TBC1D2B: variants seen among roughly 807,000 people sequenced by gnomAD.
TBC1D2B encodes TBC1 domain family, member 2B.
TBC1D2B carries 64 observed loss-of-function variants against 100.8 expected under a neutral mutation model. The observed-to-expected ratio is 0.64, with a 90% confidence interval of 0.52 to 0.78. TBC1D2B has a LOEUF of 0.78. Ranked by LOEUF, TBC1D2B falls within the 30% of genes least tolerant of loss-of-function variation. The probability of loss-of-function intolerance (pLI) is 0.00; values close to 1 mark genes in which losing one functional copy is unlikely to be tolerated. For synonymous variants in TBC1D2B, 480 were observed against 479.7 expected, an observed-to-expected ratio of 1.00 and a Z score of -0.01; for missense variants, 1,052 against 1,218.4, an observed-to-expected ratio of 0.86 and a Z score of 2.03.
chr15:78,006,690 G>A (rs1398757756), intron 10 of TBC1D2B, among the ~76,000 whole-genome samples: 1 of 152,150 alleles, frequency 6.6e-6, no homozygotes, highest in Admixed American at 6.5e-5. Context: ...TAGTGTCTTC[G>A]GCTCCCAGTT....
intron 8 of TBC1D2B, among the ~76,000 whole-genome samples, chr15:78,015,068 G>C (rs2072334707): frequency 1.3e-5 from 2 of 152,140 alleles, no homozygotes; most frequent in Admixed American, 1.3e-4. Flanking sequence ...GGGCGTGGTG[G>C]TGGGCGCCTG....
At chr15:78,013,950 G>C (rs1228406489) in intron 8 of TBC1D2B, among the ~76,000 whole-genome samples, 2 of 152,224 alleles carry the variant, frequency 1.3e-5, no homozygotes, top group African/African-American at 4.8e-5. Context: ...GAGTCAGTCA[G>C]AGAAATGTCA....
intron 3 of TBC1D2B, 138 bp from the exon 4 acceptor site, chr15:78,030,308 C>T (rs1022099742): frequency 9.2e-5 from 54 of 584,022 alleles, no homozygotes; most frequent in East Asian, 1.6e-4. Context: ...TGGGGATTCC[C>T]TTTTTTTTTT....
At position 78,009,118 on chromosome 15, in the gene TBC1D2B, C is replaced by T. The variant is rs200398731; in HGVS notation, c.2271-4G>A. The T allele has an allele frequency of 3.3e-5, 52 of 1,585,044 alleles. No homozygotes were observed. In the East Asian group the frequency reaches 6.8e-4, roughly 21 times the overall value. On this transcript the variant is annotated splice_polypyrimidine_tract_variant and splice_region_variant and intron_variant, in intron 9 of 12. Coordinates refer to ENST00000300584, the MANE Select transcript of TBC1D2B (RefSeq NM_144572.2). ...CAGGAGGGCCACTGCCACCAACCTA[C>T]AAGCAAAGGGAGGACAAGATGAGAG...
At chr15:78,068,383 C>CCACACACACACACACACACA (rs35403620) in intron 1 of TBC1D2B, among the ~76,000 whole-genome samples, 5 of 143,108 alleles carry the variant, frequency 3.5e-5, no homozygotes, top group Admixed American at 7.0e-5. Context: ...CACACCACAC[C>CCACACACACACACACACACA]CACACACACA....
intron 6 of TBC1D2B, among the ~76,000 whole-genome samples, chr15:78,023,513 C>G (rs1230847195): frequency 1.3e-5 from 2 of 152,226 alleles, no homozygotes; most frequent in Non-Finnish European, 2.9e-5. Context: ...CCTACCGCAT[C>G]AGCTGGTCAC....
At chr15:78,059,435 T>C (rs2141821787) in intron 1 of TBC1D2B, among the ~76,000 whole-genome samples, 1 of 152,284 alleles carries the variant, frequency 6.6e-6, no homozygotes, top group African/African-American at 2.4e-5. Flanking sequence ...GGAAAGCCAT[T>C]GTAGTTGTCT....
At chr15:78,057,816 C>T (rs1209447096) in intron 1 of TBC1D2B, among the ~76,000 whole-genome samples, 2 of 152,224 alleles carry the variant, frequency 1.3e-5, no homozygotes, top group Non-Finnish European at 1.5e-5. Context: ...CAGAAACACA[C>T]ACAGGTTCTA....
chr15:78,045,135 A>G, intron 2 of TBC1D2B, 67 bp from the exon 3 acceptor site: 2 of 1,424,336 alleles, frequency 1.4e-6, no homozygotes. Flanking sequence ...ATCCCACATA[A>G]AACACTGACT....
intron 10 of TBC1D2B, among the ~76,000 whole-genome samples, chr15:78,005,463 A>T (rs1596306766): frequency 6.6e-6 from 1 of 152,244 alleles, no homozygotes; most frequent in Non-Finnish European, 1.5e-5. Flanking sequence ...CAGGGTTGAC[A>T]GCACACTCAA....
chr15:78,038,714 T>C (rs553867963), intron 3 of TBC1D2B, among the ~76,000 whole-genome samples: 1 of 152,246 alleles, frequency 6.6e-6, no homozygotes, highest in East Asian at 1.9e-4. Context: ...CATGGCCCAA[T>C]TGCTCCCTTG....
intron 9 of TBC1D2B, 96 bp from the exon 10 acceptor site, chr15:78,009,210 C>A: frequency 2.5e-6 from 2 of 795,942 alleles, no homozygotes; most frequent in South Asian, 3.3e-5. Context: ...CTTTTTCTCT[C>A]ATGGCCAAAA....
At chr15:78,039,751 T>TACAC (rs3972618) in intron 3 of TBC1D2B, among the ~76,000 whole-genome samples, 87 of 148,104 alleles carry the variant, frequency 5.9e-4, no homozygotes, top group Middle Eastern at 3.5e-3. Context: ...AGAGGCTTAC[T>TACAC]ACACACACAC....
intron 8 of TBC1D2B, among the ~76,000 whole-genome samples, chr15:78,015,540 C>CA: frequency 6.6e-6 from 1 of 152,366 alleles, no homozygotes; most frequent in Non-Finnish European, 1.5e-5. Flanking sequence ...CAGAAGTTAA[C>CA]AGCCACCACG....
At chr15:78,033,065 A>C (rs2141725876) in intron 3 of TBC1D2B, among the ~76,000 whole-genome samples, 1 of 152,338 alleles carries the variant, frequency 6.6e-6, no homozygotes, top group South Asian at 2.1e-4. Flanking sequence ...ATCATAATCA[A>C]ATTGCCTAAT....
chr15:78,045,189 T>A, intron 2 of TBC1D2B, 121 bp from the exon 3 acceptor site: 1 of 828,460 alleles, frequency 1.2e-6, no homozygotes, highest in Non-Finnish European at 1.8e-6. Flanking sequence ...AGTATATTTT[T>A]AATGTATACT....
chr15:78,014,439 G>A (rs181059544), intron 8 of TBC1D2B, among the ~76,000 whole-genome samples: 22 of 152,330 alleles, frequency 1.4e-4, no homozygotes, highest in Admixed American at 1.4e-3. Flanking sequence ...CTTCCAGTCT[G>A]CACCCTAGAG....
chr15:78,042,696 G>A (rs2073114711), intron 3 of TBC1D2B, among the ~76,000 whole-genome samples: 1 of 152,174 alleles, frequency 6.6e-6, no homozygotes, highest in East Asian at 1.9e-4. Flanking sequence ...GGCACATGGT[G>A]AGCAGAGGTT....
intron 8 of TBC1D2B, among the ~76,000 whole-genome samples, chr15:78,015,186 G>A (rs546532069): frequency 7.9e-5 from 12 of 152,034 alleles, no homozygotes; most frequent in Non-Finnish European, 1.5e-4. Flanking sequence ...GGGCAACAGC[G>A]CGAGACTCTG....
Sources: gnomAD v4.1 joint callset for allele counts (sites outside exome capture counted in the v4.1 genomes callset) on GRCh38, gnomAD v4.1.1 for gene constraint, MANE v1.5 for transcripts, NCBI Gene and HGNC (gene_info 2026-07-23, HGNC 2026-07-21) for gene names.